The following KLK8 variants were observed in gnomAD, a reference collection of about 807,000 sequenced individuals.
The protein encoded by KLK8 is kallikrein-8.
In KLK8, 18 loss-of-function variants were observed where a neutral mutation model predicts 26.7. The observed-to-expected ratio is 0.67, with a 90% CI of 0.47 to 1.00. KLK8 has a LOEUF of 1.00. Among genes scored for constraint, KLK8 ranks in the 50% least tolerant of loss-of-function variants. The pLI is 0.00. For missense variants in KLK8, 301 were observed against 331.7 expected (o/e 0.91, Z 0.72); for synonymous variants, 137 against 127.1 (o/e 1.08, Z -0.52).
chr19:50,997,575 CAGAG>C (rs377542106), intron 6 of KLK8, among the ~76,000 whole-genome samples, 172 bp downstream of exon 5: 229 of 152,214 alleles, frequency 1.5e-3, no homozygotes, highest in African/African-American at 5.4e-3. Flanking sequence ...GTGTGACTTT[CAGAG>C]AGAGAGTTTG....
chr19:50,999,905 C>T (rs766971325), intron 5 of KLK8, 91 bp downstream of exon 4: 1 of 1,368,290 alleles, frequency 7.3e-7, no homozygotes, highest in Non-Finnish European at 9.9e-7. Context: ...TTCTTTGTCT[C>T]CCTCTGGGGG....
At chr19:50,999,327 C>T (rs1369869366) in intron 5 of KLK8, 1 of 151,988 alleles carries the variant, frequency 6.6e-6, no homozygotes, top group Non-Finnish European at 1.5e-5. Context: ...TGCTTGTAAT[C>T]CCAGCACTTT....
chr19:50,997,639 G>A (rs577398734), intron 6 of KLK8, 112 bp downstream of exon 5: 48 of 1,298,462 alleles, frequency 3.7e-5, no homozygotes, highest in East Asian at 7.0e-5. Flanking sequence ...TGAACACTCC[G>A]GGTGCCAAGT....
intron 5 of KLK8, chr19:50,999,286 G>A (rs1489211018): frequency 1.3e-5 from 2 of 152,238 alleles, no homozygotes; most frequent in African/African-American, 4.8e-5. Context: ...CTGGGTTCAA[G>A]AAGGAGAAAA....
rs150453126 is a variant in KLK8 at position 50,999,882 on chromosome 19, T to A, written c.493+114A>T. On this transcript the variant is annotated intron_variant, in intron 5 of 6. Transcript: ENST00000600767. Reference sequence around the variant, plus strand: ...CTCCTGCTTGTGAATCTCAACATCATGATCACTTTCCCTTCTTTGTCTCCC... The same window carrying A: ...CTCCTGCTTGTGAATCTCAACATCAAGATCACTTTCCCTTCTTTGTCTCCC... 1.8e-3 allele frequency: 1,975 copies of A among 1,121,460 alleles called. 6 individuals are homozygous for A. The highest frequency in any genetic ancestry group is 2.3e-3 in the Admixed American group (91 of 39,312). 69.5% of individuals were successfully genotyped at this position (1,121,460 alleles called of 1,614,324 possible).
In KLK8 at chr19:50,996,345, C is replaced by G. The variant is rs115651992; in HGVS notation, c.628-131G>C. ...AGCCAATGGGGGTAAAAGCATTGTC[C>G]CCTGAGACCAGTCAGGACAGGGCTT... is the stretch of plus-strand genomic sequence containing the variant. On this transcript the variant is annotated intron_variant, in intron 6 of 6. Coordinates refer to ENST00000600767, the Ensembl canonical transcript of KLK8. The G allele has an allele frequency of 4.8e-4, 435 of 914,724 alleles. 2 individuals are homozygous for G. The African/African-American group carries it at 6.4e-3, about 13-fold the overall frequency. The allele number at this position is 914,724 out of a possible 1,614,324, so 56.7% of individuals were successfully genotyped here.
At position 50,997,745 on chromosome 19, in the gene KLK8, G is replaced by C; in HGVS notation, c.627+6C>G. 1 of 1,601,844 alleles carries C rather than the reference G, an allele frequency of 6.2e-7. No homozygotes were observed. On this transcript the variant is annotated splice_donor_region_variant and intron_variant, in intron 6 of 6. Transcript: ENST00000600767. ...TGTGAGGAGAAGGATTTCAGAAATTGCTCACCTGGCACGTGTCAGCCCCTT... is the reference window on the plus strand; with the variant it reads ...TGTGAGGAGAAGGATTTCAGAAATTCCTCACCTGGCACGTGTCAGCCCCTT...
At chr19:50,998,391 T>C (rs1398282052) in intron 5 of KLK8, among the ~76,000 whole-genome samples, 1 of 152,232 alleles carries the variant, frequency 6.6e-6, no homozygotes, top group Non-Finnish European at 1.5e-5. Flanking sequence ...ATTTTATGTG[T>C]ATTTGTTTAT....
intron 5 of KLK8, 181 bp from the exon 5 acceptor site, chr19:50,998,065 G>T (rs894497975): frequency 8.9e-6 from 6 of 673,082 alleles, no homozygotes; most frequent in Non-Finnish European, 1.5e-5. Context: ...AGCTGTACTT[G>T]TTGCTATTGG....
At chr19:50,999,583 CAAAAAAAAA>C (rs56988162) in intron 5 of KLK8, among the ~76,000 whole-genome samples, 8 of 30,292 alleles carry the variant, frequency 2.6e-4, no homozygotes, top group East Asian at 3.0e-3. Flanking sequence ...TGTCCCCCTG[CAAAAAAAAA>C]AAAAAAAAAA....
In KLK8 at chr19:51,000,414, ATCC is replaced by A. The variant is rs761301622; in HGVS notation, c.230+7_230+9del. 2.5e-6 allele frequency: 4 copies of A among 1,596,844 alleles called. No homozygotes were observed. The highest frequency in any genetic ancestry group is 2.6e-6 in the Non-Finnish European group (3 of 1,169,636). On this transcript the variant is annotated splice_region_variant and intron_variant, in intron 4 of 6. Coordinates refer to ENST00000600767, the Ensembl canonical transcript of KLK8. Reference sequence around the variant, plus strand: ...GCCCCAGCTGACCTCTGCCCCCATCATCCACTCACGGTTTTTTACAGTGGGCAG... The same window carrying A: ...GCCCCAGCTGACCTCTGCCCCCATCAACTCACGGTTTTTTACAGTGGGCAG...
At chr19:51,000,237 T>A (rs1266262665) in exon 5 of KLK8, 2 of 1,593,308 alleles carry the variant, frequency 1.3e-6, no homozygotes, top group East Asian at 2.3e-5. Flanking sequence ...GGCTGTGGTC[T>A]CCCAGGCGTA....
At chr19:50,999,583 CAAAAAAA>C (rs56988162) in intron 5 of KLK8, among the ~76,000 whole-genome samples, 10 of 30,282 alleles carry the variant, frequency 3.3e-4, no homozygotes, top group East Asian at 3.0e-3. Flanking sequence ...TGTCCCCCTG[CAAAAAAA>C]AAAAAAAAAA....
intron 3 of KLK8, 116 bp from the exon 3 acceptor site, chr19:51,000,699 G>A (rs1182635915): frequency 1.3e-6 from 2 of 1,550,064 alleles, no homozygotes. Context: ...ACTTAGTGAG[G>A]AGGTCCAGGC....
At chr19:51,000,818 G>C in intron 3 of KLK8, 1 of 1,242,722 alleles carries the variant, frequency 8.0e-7, no homozygotes, top group Non-Finnish European at 1.1e-6. Flanking sequence ...TACAGGCCCC[G>C]AGTACTCCCA....
At chr19:51,000,552 C>A in exon 4 of KLK8, 1 of 1,614,140 alleles carries the variant, frequency 6.2e-7, no homozygotes, top group Non-Finnish European at 8.5e-7. Context: ...CATGACCCCC[C>A]AGCACCTTGT....
intron 6 of KLK8, among the ~76,000 whole-genome samples, chr19:50,996,915 CA>C: frequency 6.6e-6 from 1 of 151,308 alleles, no homozygotes; most frequent in Non-Finnish European, 1.5e-5. Flanking sequence ...CACACACACA[CA>C]CACACACACA....
intron 3 of KLK8, 82 bp downstream of exon 2, chr19:51,001,016 C>G: frequency 7.7e-7 from 1 of 1,302,540 alleles, no homozygotes. Context: ...CCACATAACC[C>G]CCGCGGCATT....
rs56988162 is a variant in KLK8 at position 50,999,583 on chromosome 19, C to CAAAAAAAAAAAAAAAAAA, written c.493+395_493+412dup. On this transcript the variant is annotated intron_variant, in intron 5 of 6. Coordinates refer to ENST00000600767, the Ensembl canonical transcript of KLK8. Reference sequence around the variant, plus strand: ...GATTGAGTGAAACTGTGTCCCCCTGCAAAAAAAAAAAAAAAAAAAAAAAAA... The same window carrying CAAAAAAAAAAAAAAAAAA: ...GATTGAGTGAAACTGTGTCCCCCTGCAAAAAAAAAAAAAAAAAAAAAAAAAAAAAAAAAAAAAAAAAAA... 2.0e-4 allele frequency among the ~76,000 whole-genome samples: 6 copies of CAAAAAAAAAAAAAAAAAA among 30,296 alleles called. 1 individual carries two copies. Among genetic ancestry groups the CAAAAAAAAAAAAAAAAAA allele is most frequent in the Non-Finnish European group, 2.8e-4 (4 of 14,196 alleles). 19.9% of individuals were successfully genotyped at this position (30,296 alleles called of 152,430 possible). A position where few individuals can be genotyped will look rare whatever the true frequency, so the allele number is the denominator to read the frequency against.
Sources: allele counts gnomAD v4.1 joint callset (sites outside exome capture counted in the v4.1 genomes callset), GRCh38; gene constraint gnomAD v4.1.1; transcripts MANE v1.5; gene names NCBI Gene and HGNC (gene_info 2026-07-23, HGNC 2026-07-21).